CA10: variants seen among roughly 807,000 people sequenced by gnomAD.
CA10 encodes the protein carbonic anhydrase 10 (inactive), also known as carbonic anhydrase-related protein 10.
Under a neutral mutation model 44.2 loss-of-function variants are expected in CA10, and 14 were observed. The ratio of observed to expected loss-of-function variants is 0.32; its 90% CI spans 0.21 to 0.50. CA10 has a LOEUF of 0.50. Ranked by LOEUF, CA10 falls within the 20% of genes least tolerant of loss-of-function variation. The pLI is 0.99. For synonymous variants in CA10, 159 were observed against 141.6 expected (o/e 1.12, Z -0.87); for missense variants, 350 against 409.7 (o/e 0.85, Z 1.26).
chr17:52,022,626 GA>G (rs1986178191), intron 2 of CA10, among the ~76,000 whole-genome samples: 1 of 151,984 alleles, frequency 6.6e-6, no homozygotes. Flanking sequence ...TCAGGCAAGA[GA>G]AAGAAATAAA....
At position 51,680,017 on chromosome 17, in the gene CA10, A is replaced by G. The variant is rs992390617; in HGVS notation, c.466-26281T>C. Among the ~76,000 whole-genome samples the G allele has an allele frequency of 2.6e-5, 4 of 152,228 alleles. No homozygotes were observed. The East Asian group carries it at 5.8e-4, about 22-fold the overall frequency. ...GCATATTGTCTGTGACTGCTTTCCC[A>G]CTACAAAGGCAGAGTTGAGTAGTTG... On this transcript the variant is annotated intron_variant, in intron 4 of 8. Transcript: ENST00000451037.
intron 4 of CA10, among the ~76,000 whole-genome samples, chr17:51,702,891 T>G (rs895285390): frequency 6.6e-6 from 1 of 152,220 alleles, no homozygotes; most frequent in Non-Finnish European, 1.5e-5. Flanking sequence ...GCAGCCAGGT[T>G]CTTTCTATCT....
intron 3 of CA10, among the ~76,000 whole-genome samples, chr17:51,895,380 G>C (rs1245915752): frequency 6.6e-6 from 1 of 151,996 alleles, no homozygotes; most frequent in African/African-American, 2.4e-5. Flanking sequence ...TTAAAGTATG[G>C]GGCAGAGGGG....
intron 1 of CA10, among the ~76,000 whole-genome samples, chr17:52,075,744 C>G (rs1987801360): frequency 6.6e-6 from 1 of 152,066 alleles, no homozygotes; most frequent in South Asian, 2.1e-4. Context: ...TATTGACAGT[C>G]ACTGACCTAA....
intron 1 of CA10, among the ~76,000 whole-genome samples, chr17:52,125,462 T>C (rs1288681057): frequency 6.6e-6 from 1 of 152,168 alleles, no homozygotes; most frequent in Non-Finnish European, 1.5e-5. Flanking sequence ...GCATGCACAG[T>C]AGGCCTAAGA....
chr17:51,687,927 C>T (rs1294157757), intron 4 of CA10, among the ~76,000 whole-genome samples: 5 of 152,134 alleles, frequency 3.3e-5, no homozygotes, highest in Admixed American at 6.5e-5. Context: ...CTGTGTGGTT[C>T]CCTCTCATGT....
chr17:51,828,486 C>CT (rs1476817602), intron 3 of CA10, among the ~76,000 whole-genome samples: 3 of 152,076 alleles, frequency 2.0e-5, no homozygotes, highest in Non-Finnish European at 4.4e-5. Flanking sequence ...ATTGTCCCTA[C>CT]TCTTAATGTT....
chr17:51,672,217 C>T (rs1163826221), intron 4 of CA10, among the ~76,000 whole-genome samples: 3 of 152,228 alleles, frequency 2.0e-5, no homozygotes, highest in African/African-American at 4.8e-5. Flanking sequence ...GATCGTCACA[C>T]ACAAACAATA....
intron 1 of CA10, among the ~76,000 whole-genome samples, chr17:52,100,501 A>G (rs1988513008): frequency 6.6e-6 from 1 of 152,222 alleles, no homozygotes; most frequent in South Asian, 2.1e-4. Context: ...GAAAACAAAA[A>G]CAAAAGCAAA....
At position 52,029,435 on chromosome 17, in the gene CA10, G is replaced by C. The variant is rs116931895; in HGVS notation, c.136+42884C>G. Among the ~76,000 whole-genome samples the C allele has an allele frequency of 2.1e-3, 322 of 152,262 alleles. 11 individuals carry two copies. In the East Asian group the frequency reaches 0.057, roughly 27 times the overall value. On this transcript the variant is annotated intron_variant, in intron 2 of 8. Coordinates refer to ENST00000451037, the MANE Select transcript of CA10 (RefSeq NM_020178.5). The stretch of plus-strand genomic sequence containing the variant: ...ATAGAGCACCATGTTTCTGAACCTT[G>C]AATAATCCTGTTCAGATTGAAGCAG...
chr17:51,866,506 G>A (rs938089927), intron 3 of CA10, among the ~76,000 whole-genome samples: 4 of 152,180 alleles, frequency 2.6e-5, no homozygotes, highest in Non-Finnish European at 5.9e-5. Context: ...CCTCAGCCAT[G>A]ACAGTAGATT....
chr17:51,768,278 C>A (rs975243250), intron 3 of CA10, among the ~76,000 whole-genome samples: 1 of 151,180 alleles, frequency 6.6e-6, no homozygotes, highest in Non-Finnish European at 1.5e-5. Flanking sequence ...CCTGCTTGTA[C>A]AATAGCTGCA....
intron 3 of CA10, among the ~76,000 whole-genome samples, chr17:51,853,159 T>C (rs893298873): frequency 2.0e-5 from 3 of 152,218 alleles, no homozygotes; most frequent in Non-Finnish European, 4.4e-5. Context: ...TTATATTTGT[T>C]GTTTAATAAA....
chr17:52,110,994 T>G (rs1416686633), intron 1 of CA10, among the ~76,000 whole-genome samples: 1 of 152,202 alleles, frequency 6.6e-6, no homozygotes. Flanking sequence ...TATGAGCTTT[T>G]GACATGACAG....
At chr17:52,081,088 C>T (rs1175299371) in intron 1 of CA10, among the ~76,000 whole-genome samples, 2 of 152,076 alleles carry the variant, frequency 1.3e-5, no homozygotes, top group Non-Finnish European at 2.9e-5. Flanking sequence ...AAACCTAATA[C>T]ATTCTCCGGG....
At chr17:52,135,999 C>A (rs1002676770) in intron 1 of CA10, among the ~76,000 whole-genome samples, 27 of 152,138 alleles carry the variant, frequency 1.8e-4, no homozygotes, top group African/African-American at 6.3e-4. Flanking sequence ...AATAAGCTCT[C>A]CAAATAAATA....
intron 3 of CA10, among the ~76,000 whole-genome samples, chr17:51,854,533 T>A (rs1040981413): frequency 3.3e-5 from 5 of 152,108 alleles, no homozygotes; most frequent in Non-Finnish European, 7.4e-5. Flanking sequence ...GGAACTTGGA[T>A]GAAGAGATGA....
intron 1 of CA10, among the ~76,000 whole-genome samples, chr17:52,113,565 TACAAG>T (rs946245389): frequency 2.6e-5 from 4 of 152,140 alleles, no homozygotes; most frequent in African/African-American, 4.8e-5. Flanking sequence ...TCAATGACAG[TACAAG>T]ACAACAGTGG....
Position 51,710,433 on chromosome 17 carries a change from G to A in CA10, c.465+37200C>T, listed in dbSNP as rs1202962177. On this transcript the variant is annotated intron_variant, in intron 4 of 8. Transcript: ENST00000451037. The stretch of plus-strand genomic sequence containing the variant: ...TGCTCTCTCCAGAGCAATTTTAAAG[G>A]GCAGATAAACACAACACCCAGGTTG... Among the ~76,000 whole-genome samples, 3 of 151,992 alleles carry A rather than the reference G, an allele frequency of 2.0e-5. No individual in the cohort carries two copies. The East Asian group carries it at 5.8e-4, about 29-fold the overall frequency.
Sources: gnomAD v4.1 joint callset for allele counts (sites outside exome capture counted in the v4.1 genomes callset) on GRCh38, gnomAD v4.1.1 for gene constraint, MANE v1.5 for transcripts, NCBI Gene and HGNC (gene_info 2026-07-23, HGNC 2026-07-21) for gene names.